The following SIK3 variants were observed in gnomAD, a reference collection of about 807,000 sequenced individuals.
The protein encoded by SIK3 is SIK family kinase 3, also known as serine/threonine-protein kinase SIK3.
In SIK3, 28 loss-of-function variants were observed where a neutral mutation model predicts 144.2. The ratio of observed to expected loss-of-function variants is 0.19; its 90% CI spans 0.14 to 0.27. The LOEUF (loss-of-function observed/expected upper bound fraction) is 0.27. Ranked by LOEUF, SIK3 falls within the 10% of genes least tolerant of loss-of-function variation. SIK3 has a pLI of 1.00. For synonymous variants in SIK3, 686 were observed against 676.3 expected, an observed-to-expected ratio of 1.01 and a Z score of -0.22; for missense variants, 1,319 against 1,776.0, an observed-to-expected ratio of 0.74 and a Z score of 4.62.
At chr11:117,090,897 T>G (rs1955213960) in intron 1 of SIK3, among the ~76,000 whole-genome samples, 1 of 152,242 alleles carries the variant, frequency 6.6e-6, no homozygotes, top group Non-Finnish European at 1.5e-5. Flanking sequence ...CATCATGACA[T>G]CTCGCTTTTG....
At position 117,098,307 on chromosome 11, in the gene SIK3, C is replaced by A. The variant is rs747148537; in HGVS notation, c.109G>T (p.Ala37Ser). 6.8e-6 allele frequency: 8 copies of A among 1,168,316 alleles called. No individual in the cohort carries two copies. The Admixed American group carries it at 2.4e-4, about 34-fold the overall frequency. 72.4% of individuals were successfully genotyped at this position (1,168,316 alleles called of 1,614,324 possible). ...LPPPAPGSPAAPAAVSPAAGQ... is the reference protein window; with the variant it reads ...LPPPAPGSPASPAAVSPAAGQ... ...GCCGCAGGGGACACGGCAGCGGGGG[C>A]GGCTGGGGACCCCGGCGCGGGCGGA... Residue 37 changes from alanine to serine, a missense_variant, in exon 1 of 25, where the codon GCC becomes TCC. Transcript: ENST00000445177.
chr11:117,083,647 C>T (rs1954884730), intron 1 of SIK3, among the ~76,000 whole-genome samples: 1 of 152,154 alleles, frequency 6.6e-6, no homozygotes, highest in African/African-American at 2.4e-5. Context: ...AACATTCTAA[C>T]AGAAGGAAAA....
At chr11:117,031,774 C>T (rs1297844479) in intron 1 of SIK3, among the ~76,000 whole-genome samples, 1 of 146,668 alleles carries the variant, frequency 6.8e-6, no homozygotes, top group African/African-American at 2.5e-5. Context: ...AATGCCTGAC[C>T]TCAGGTGATC....
intron 1 of SIK3, among the ~76,000 whole-genome samples, chr11:117,036,311 A>T (rs776758633): frequency 4.6e-5 from 7 of 152,184 alleles, no homozygotes; most frequent in Non-Finnish European, 8.8e-5. Flanking sequence ...GTTGAGGGAA[A>T]GCTGAGGCAG....
intron 6 of SIK3, 53 bp downstream of exon 6, chr11:116,896,200 T>G (rs200603233): frequency 2.0e-5 from 32 of 1,597,150 alleles, no homozygotes; most frequent in Middle Eastern, 3.3e-4. Context: ...GATAACTGAG[T>G]GGGTCTAACT....
At chr11:117,076,785 C>T (rs1219052297) in intron 1 of SIK3, among the ~76,000 whole-genome samples, 1 of 152,148 alleles carries the variant, frequency 6.6e-6, no homozygotes, top group African/African-American at 2.4e-5. Context: ...TCATGATCCA[C>T]CCGCCTCGGC....
chr11:116,920,827 CA>C (rs2135064701), intron 4 of SIK3, among the ~76,000 whole-genome samples: 1 of 152,344 alleles, frequency 6.6e-6, no homozygotes, highest in South Asian at 2.1e-4. Context: ...GACATGGTTA[CA>C]GTCCTTGTGG....
At chr11:116,996,503 G>C (rs1287305654) in intron 1 of SIK3, among the ~76,000 whole-genome samples, 1 of 152,016 alleles carries the variant, frequency 6.6e-6, no homozygotes, top group East Asian at 1.9e-4. Flanking sequence ...GGAGAAGGGG[G>C]AGACCCAACA....
At chr11:117,063,969 CA>C (rs1953909846) in intron 1 of SIK3, among the ~76,000 whole-genome samples, 1 of 150,882 alleles carries the variant, frequency 6.6e-6, no homozygotes, top group South Asian at 2.1e-4. Context: ...CATATTCAGT[CA>C]GAAAAAAAAA....
Position 116,846,348 on chromosome 11 carries a change from A to C in SIK3, c.*13+35T>G. Reference sequence around the variant, plus strand: ...GGATTGGGAGCAGGCACTGGGCCACAGGGCTGGTTTGGCTCTGGCCAGGGT... The same window carrying C: ...GGATTGGGAGCAGGCACTGGGCCACCGGGCTGGTTTGGCTCTGGCCAGGGT... On this transcript the variant is annotated intron_variant, in intron 24 of 24. Transcript: ENST00000445177. The surrounding 1 kb of genome is among the most constrained non-coding windows in gnomAD (Gnocchi z 4.1). 1 of 1,600,886 alleles carries C rather than the reference A, an allele frequency of 6.2e-7. No individual in the cohort carries two copies. The highest frequency in any genetic ancestry group is 2.0e-4 in the Middle Eastern group (1 of 4,990).
At position 117,098,192 on chromosome 11, in the gene SIK3, C is replaced by T; in HGVS notation, c.224G>A (p.Gly75Asp). ...YYEIDRTIGKGNFAVVKRATH... is the reference protein window; with the variant it reads ...YYEIDRTIGKDNFAVVKRATH... ...GGCCCGCTTGACCACCGCGAAGTTGCCCTTGCCGATGGTGCGGTCGATCTC... is the reference window on the plus strand; with the variant it reads ...GGCCCGCTTGACCACCGCGAAGTTGTCCTTGCCGATGGTGCGGTCGATCTC... The change falls in exon 1 of 25, where the codon GGC becomes GAC. Residue 75 changes from glycine (G) to aspartate (D), a missense_variant. Physicochemically the swap from Gly to Asp is moderately conservative, Grantham distance 94 (BLOSUM62 -1). This residue lies in a region of SIK3 where 114 missense variants were observed against 116.2 expected (regional missense o/e 0.98). Transcript: ENST00000445177. 1 of 1,523,182 alleles carries T rather than the reference C, an allele frequency of 6.6e-7. No homozygotes were observed. The allele number at this position is 1,523,182 out of a possible 1,614,324, so 94.4% of individuals were successfully genotyped here.
intron 1 of SIK3, among the ~76,000 whole-genome samples, chr11:117,028,176 TAAGAA>T (rs1221241744): frequency 1.3e-5 from 2 of 152,138 alleles, no homozygotes; most frequent in Non-Finnish European, 2.9e-5. Flanking sequence ...ATATCAACAC[TAAGAA>T]ATGACGGTAG....
intron 4 of SIK3, among the ~76,000 whole-genome samples, chr11:116,908,798 G>A (rs1946186015): frequency 6.6e-6 from 1 of 152,108 alleles, no homozygotes; most frequent in African/African-American, 2.4e-5. Flanking sequence ...TGGAGCAAGT[G>A]GAACTCTCAC....
chr11:116,916,700 C>A (rs910405243), intron 4 of SIK3, among the ~76,000 whole-genome samples: 1 of 151,054 alleles, frequency 6.6e-6, no homozygotes, highest in African/African-American at 2.4e-5. Context: ...TTAGTAGAGA[C>A]GGGGTTTCAC....
chr11:116,958,195 T>C (rs1293576411), intron 1 of SIK3, among the ~76,000 whole-genome samples: 2 of 152,174 alleles, frequency 1.3e-5, no homozygotes, highest in Non-Finnish European at 2.9e-5. Flanking sequence ...CAGTACTTAC[T>C]GAGGAAAAAA....
At chr11:117,067,849 T>A (rs1328067263) in intron 1 of SIK3, among the ~76,000 whole-genome samples, 3 of 152,052 alleles carry the variant, frequency 2.0e-5, no homozygotes, top group Non-Finnish European at 4.4e-5. Flanking sequence ...TAGCTGGGCA[T>A]GGTGACAGGC....
intron 19 of SIK3, among the ~76,000 whole-genome samples, chr11:116,860,694 T>C (rs1258666153): frequency 6.6e-6 from 1 of 152,226 alleles, no homozygotes; most frequent in Non-Finnish European, 1.5e-5. Context: ...GTACCATAAT[T>C]ATCCTCAGTT....
intron 1 of SIK3, among the ~76,000 whole-genome samples, chr11:117,037,322 A>G (rs1952550290): frequency 6.6e-6 from 1 of 152,248 alleles, no homozygotes; most frequent in Non-Finnish European, 1.5e-5. Context: ...GGAAAAATCA[A>G]GAGTCTCTGT....
chr11:117,000,612 C>T (rs1950815217), intron 1 of SIK3, among the ~76,000 whole-genome samples: 1 of 152,196 alleles, frequency 6.6e-6, no homozygotes, highest in Non-Finnish European at 1.5e-5. Context: ...CAAATTATAA[C>T]TGATTCATCT....
Sources: allele counts gnomAD v4.1 joint callset (sites outside exome capture counted in the v4.1 genomes callset), GRCh38; gene constraint gnomAD v4.1.1; regional missense constraint gnomAD v4.1.1; non-coding constraint Gnocchi (gnomAD v3.1); transcripts MANE v1.5; gene names NCBI Gene and HGNC (gene_info 2026-07-23, HGNC 2026-07-21).